Variants in MGMT observed in about 807,000 individuals in gnomAD.
MGMT encodes the protein methylated-DNA--protein-cysteine methyltransferase.
MGMT carries 14 observed loss-of-function variants against 15.9 expected under a neutral mutation model. That is an observed-to-expected ratio of 0.88 (90% CI 0.58 to 1.37). The LOEUF (loss-of-function observed/expected upper bound fraction) is 1.37, where lower values mean the gene tolerates loss of function less well. Among genes scored for constraint, MGMT ranks in the 40% most tolerant of loss-of-function variants. The pLI is 0.00. For synonymous variants in MGMT, 130 were observed against 118.2 expected (o/e 1.10, Z -0.65); for missense variants, 282 against 268.1 (o/e 1.05, Z -0.36).
intron 3 of MGMT, among the ~76,000 whole-genome samples, chr10:129,734,573 C>A (rs1212325759): frequency 6.6e-6 from 1 of 151,902 alleles, no homozygotes; most frequent in Non-Finnish European, 1.5e-5. Flanking sequence ...GCCTGATTGC[C>A]CTGGCCAGAA....
intron 1 of MGMT, among the ~76,000 whole-genome samples, chr10:129,528,348 G>A (rs1219684310): frequency 3.3e-5 from 5 of 151,744 alleles, no homozygotes; most frequent in Non-Finnish European, 5.9e-5. Context: ...GAGCTGCAGT[G>A]TAGTGGCTGT....
intron 2 of MGMT, among the ~76,000 whole-genome samples, chr10:129,624,896 A>G (rs1358195328): frequency 6.6e-6 from 1 of 152,218 alleles, no homozygotes; most frequent in African/African-American, 2.4e-5. Context: ...GATATTAAGA[A>G]AAGTAGGAAG....
At chr10:129,543,879 G>A (rs573246306) in intron 2 of MGMT, among the ~76,000 whole-genome samples, 112 of 152,296 alleles carry the variant, frequency 7.4e-4, no homozygotes, top group Non-Finnish European at 1.3e-3. Context: ...CTACAAATAG[G>A]TGAGTTCAGA....
intron 2 of MGMT, among the ~76,000 whole-genome samples, chr10:129,691,083 G>A (rs953299009): frequency 3.3e-5 from 5 of 152,242 alleles, no homozygotes; most frequent in African/African-American, 1.2e-4. Context: ...AACTGACATG[G>A]AGTGCGGGAG....
intron 1 of MGMT, among the ~76,000 whole-genome samples, chr10:129,510,664 C>T (rs565726079): frequency 6.6e-6 from 1 of 152,206 alleles, no homozygotes; most frequent in Non-Finnish European, 1.5e-5. Flanking sequence ...AATAAAAATT[C>T]GTAAGAAATA....
chr10:129,716,598 A>G (rs10764901), intron 3 of MGMT, among the ~76,000 whole-genome samples: 95,182 of 152,056 alleles, frequency 0.63, 30,824 homozygotes, highest in Non-Finnish European at 0.73. Context: ...CCCAAGACAT[A>G]TACTTTTCAT....
chr10:129,530,641 A>C (rs548098668), intron 1 of MGMT, among the ~76,000 whole-genome samples: 2 of 152,362 alleles, frequency 1.3e-5, no homozygotes, highest in South Asian at 4.1e-4. Context: ...CAGAGCTGCC[A>C]GAGGGAGCCT....
chr10:129,534,099 T>C (rs1346722624), intron 1 of MGMT, among the ~76,000 whole-genome samples: 1 of 152,168 alleles, frequency 6.6e-6, no homozygotes, highest in African/African-American at 2.4e-5. Flanking sequence ...TTTGGTCTGA[T>C]TTATCCTACA....
At chr10:129,708,100 C>T (rs1327476810) in intron 3 of MGMT, 57 bp downstream of exon 3, 29 of 1,547,846 alleles carry the variant, frequency 1.9e-5, no homozygotes, top group Non-Finnish European at 2.5e-5. Context: ...TATTAACGAT[C>T]GCTGACATCA....
At chr10:129,750,103 A>G (rs1848736700) in intron 3 of MGMT, among the ~76,000 whole-genome samples, 1 of 152,064 alleles carries the variant, frequency 6.6e-6, no homozygotes, top group African/African-American at 2.4e-5. Flanking sequence ...TTTGTAGTAA[A>G]GAAGTTTTTA....
chr10:129,475,245 G>T (rs1232409644), intron 1 of MGMT, among the ~76,000 whole-genome samples: 2 of 152,060 alleles, frequency 1.3e-5, no homozygotes, highest in Non-Finnish European at 2.9e-5. Context: ...ACTGTTGCAG[G>T]CCTGGATTCA....
intron 2 of MGMT, among the ~76,000 whole-genome samples, chr10:129,680,778 T>TC (rs1351157631): frequency 2.6e-5 from 4 of 152,094 alleles, no homozygotes; most frequent in Admixed American, 2.0e-4. Flanking sequence ...GGCTGCTGCT[T>TC]CCCCCGTGTG....
chr10:129,509,156 A>G (rs991245320), intron 1 of MGMT, among the ~76,000 whole-genome samples: 1 of 151,810 alleles, frequency 6.6e-6, no homozygotes, highest in African/African-American at 2.4e-5. Flanking sequence ...TTGGGTTGAA[A>G]TTTTCCCTTT....
chr10:129,538,257 A>T (rs899973122), intron 2 of MGMT, among the ~76,000 whole-genome samples: 1 of 152,224 alleles, frequency 6.6e-6, no homozygotes, highest in Non-Finnish European at 1.5e-5. Context: ...CATTCAAGAT[A>T]TGGAACATTC....
intron 1 of MGMT, among the ~76,000 whole-genome samples, chr10:129,489,865 T>G (rs1023110304): frequency 2.1e-5 from 3 of 139,772 alleles, no homozygotes; most frequent in Non-Finnish European, 4.6e-5. Context: ...TATTCTTTGT[T>G]TTTTCTACAT....
chr10:129,614,498 C>T (rs1385060615), intron 2 of MGMT, among the ~76,000 whole-genome samples: 3 of 148,772 alleles, frequency 2.0e-5, no homozygotes, highest in Non-Finnish European at 4.5e-5. Context: ...CTGGCCCTGA[C>T]ACGTGCTCGG....
chr10:129,676,765 G>A (rs1344905426), intron 2 of MGMT, among the ~76,000 whole-genome samples: 1 of 150,218 alleles, frequency 6.7e-6, no homozygotes, highest in Non-Finnish European at 1.5e-5. Context: ...AAATATGCAA[G>A]CAGATACATA....
chr10:129,521,181 C>T (rs12256432), intron 1 of MGMT, among the ~76,000 whole-genome samples: 37,269 of 152,032 alleles, frequency 0.25, 5,432 homozygotes, highest in African/African-American at 0.41. Flanking sequence ...CCCCGCACAT[C>T]GTCAGAGTGA....
At chr10:129,702,705 T>G (rs1848113522) in intron 2 of MGMT, among the ~76,000 whole-genome samples, 1 of 152,202 alleles carries the variant, frequency 6.6e-6, no homozygotes, top group African/African-American at 2.4e-5. Context: ...CCCCCGGAGC[T>G]GCAGGATTTG....
Sources: allele counts gnomAD v4.1 joint callset (sites outside exome capture counted in the v4.1 genomes callset), GRCh38; gene constraint gnomAD v4.1.1; transcripts MANE v1.5; gene names NCBI Gene and HGNC (gene_info 2026-07-23, HGNC 2026-07-21).